Variants in STAG2 observed in about 807,000 individuals in gnomAD.
STAG2 encodes cohesin subunit SA-2.
A neutral mutation model predicts 108.1 loss-of-function variants in STAG2; 14 were observed. The observed-to-expected ratio is 0.13, with a 90% CI of 0.09 to 0.20. The LOEUF is 0.20. Among genes scored for constraint, STAG2 ranks in the 10% least tolerant of loss-of-function variants. The pLI, the probability that STAG2 is intolerant of heterozygous loss-of-function variation, is 1.00. For synonymous variants in STAG2, 307 were observed against 302.7 expected, an observed-to-expected ratio of 1.01 and a Z score of -0.15; for missense variants, 440 against 940.9, an observed-to-expected ratio of 0.47 and a Z score of 6.96.
At chrX:123,989,896 CT>C (rs982981586) in intron 1 of STAG2, among the ~76,000 whole-genome samples, 2 of 111,432 alleles carry the variant, frequency 1.8e-5, no homozygotes, top group Non-Finnish European at 3.8e-5. Flanking sequence ...GCCACCACCC[CT>C]GGCAATTATT....
At chrX:124,014,075 G>T (rs750418538) in intron 1 of STAG2, among the ~76,000 whole-genome samples, 2 of 111,369 alleles carry the variant, frequency 1.8e-5, no homozygotes, top group South Asian at 7.5e-4. Context: ...AAGTATTGGG[G>T]AAAGTGAGTA....
intron 34 of STAG2, chrX:124,097,749 A>G: frequency 3.1e-6 from 1 of 319,706 alleles, no homozygotes; most frequent in East Asian, 9.2e-5. Flanking sequence ...TCATTTAGTG[A>G]CTTTGCTCAG....
chrX:124,042,521 A>T (rs1569510950), intron 6 of STAG2, 48 bp from the exon 7 acceptor site: 5 of 964,858 alleles, frequency 5.2e-6, no homozygotes, highest in Non-Finnish European at 7.3e-6. Context: ...AGTTTTCTTT[A>T]TTTTTTTATC....
chrX:124,015,612 A>G (rs2056693479), intron 1 of STAG2, among the ~76,000 whole-genome samples: 1 of 110,245 alleles, frequency 9.1e-6, no homozygotes, highest in East Asian at 2.9e-4. Flanking sequence ...TGACCTCGTG[A>G]TCCGCCTGCC....
chrX:124,078,634 A>G (rs1397145421), intron 27 of STAG2, among the ~76,000 whole-genome samples: 1 of 111,258 alleles, frequency 9.0e-6, no homozygotes, highest in Admixed American at 9.6e-5. Context: ...GTATATTTCC[A>G]AACTTATTTT....
Position 124,094,069 on chromosome X carries a change from T to C in STAG2, c.3630T>C (p.Asp1210=), listed in dbSNP as rs1461685047. 8.3e-7 allele frequency: 1 copy of C among 1,205,260 alleles called. No individual in the cohort carries two copies. The highest frequency in any genetic ancestry group is 1.1e-6 in the Non-Finnish European group (1 of 891,132). Residue 1210 remains aspartate (D), a synonymous_variant, in exon 33 of 35, where the codon GAT becomes GAC. Transcript: ENST00000371145. ...MEDDEEPIVE[D]VMMSSEGRIE... is the part of the protein sequence containing the mutation. Reference sequence around the variant, plus strand: ...ATGATGAAGAGCCAATTGTGGAAGATGTTATGATGTCCTCAGAAGGGAGGA... The same window carrying C: ...ATGATGAAGAGCCAATTGTGGAAGACGTTATGATGTCCTCAGAAGGGAGGA...
intron 29 of STAG2, among the ~76,000 whole-genome samples, chrX:124,086,281 C>CT (rs34146753): frequency 0.014 from 1,554 of 111,312 alleles, 31 homozygotes; most frequent in African/African-American, 0.048. Flanking sequence ...CAGGCTGAAA[C>CT]TTTTTTGCAG....
At chrX:124,097,459 G>A (rs2059412666) in intron 34 of STAG2, among the ~76,000 whole-genome samples, 1 of 111,296 alleles carries the variant, frequency 9.0e-6, no homozygotes, top group African/African-American at 3.3e-5. Context: ...GAGGGGTAAA[G>A]GAATATTTTC....
intron 1 of STAG2, among the ~76,000 whole-genome samples, chrX:123,990,645 T>C (rs780939916): frequency 1.8e-5 from 2 of 111,918 alleles, no homozygotes; most frequent in East Asian, 5.6e-4. Flanking sequence ...AATACTAGAA[T>C]AGAGTCATTA....
chrX:123,978,948 A>C (rs188836205), intron 1 of STAG2, among the ~76,000 whole-genome samples: 2 of 111,746 alleles, frequency 1.8e-5, no homozygotes, highest in East Asian at 5.6e-4. Context: ...TTTTGCTGGC[A>C]TGGTAGGCCC....
intron 9 of STAG2, 65 bp downstream of exon 9, chrX:124,047,570 T>G (rs1372361221): frequency 2.1e-6 from 2 of 936,771 alleles, no homozygotes; most frequent in African/African-American, 4.0e-5. Flanking sequence ...AATTAGGATA[T>G]AACTTTGCTA....
At chrX:124,062,187 T>C (rs1209225863) in intron 17 of STAG2, among the ~76,000 whole-genome samples, 1 of 111,723 alleles carries the variant, frequency 9.0e-6, no homozygotes, top group Non-Finnish European at 1.9e-5. Context: ...TCTTCTAAAA[T>C]AAAATCAGAA....
chrX:124,028,902 C>T (rs1426922729), intron 4 of STAG2, among the ~76,000 whole-genome samples: 1 of 101,965 alleles, frequency 9.8e-6, no homozygotes, highest in Non-Finnish European at 2.0e-5. Flanking sequence ...ATCTTCCCAT[C>T]TCAACCTCCG....
At chrX:124,066,848 A>G (rs369719560) in intron 23 of STAG2, among the ~76,000 whole-genome samples, 1 of 111,946 alleles carries the variant, frequency 8.9e-6, no homozygotes, top group Non-Finnish European at 1.9e-5. Context: ...ATGATCAATC[A>G]TTTTCTGATT....
rs776648546 is a variant in STAG2, at chrX:124,100,640, T to C, written c.*43T>C. 9.2e-7 allele frequency: 1 copy of C among 1,090,730 alleles called. No homozygotes were observed. The highest frequency in any genetic ancestry group is 1.9e-5 in the South Asian group (1 of 52,344). 89.9% of individuals were successfully genotyped at this position (1,090,730 alleles called of 1,213,427 possible). On this transcript the variant is annotated 3_prime_UTR_variant, in exon 35 of 35. Transcript: ENST00000371145. ...ATCTGTGGTGAAGTCATTTTCTAAG[T>C]GGAAGAGGAAATTTTAAAGTGTGGT...
At chrX:123,968,808 A>G (rs1266914563) in intron 1 of STAG2, among the ~76,000 whole-genome samples, 1 of 112,385 alleles carries the variant, frequency 8.9e-6, no homozygotes, top group Non-Finnish European at 1.9e-5. Flanking sequence ...AATGCCAGTA[A>G]TGCTTTAATC....
chrX:124,097,902 C>T (rs745316840), intron 34 of STAG2, among the ~76,000 whole-genome samples: 3 of 110,199 alleles, frequency 2.7e-5, no homozygotes, highest in Non-Finnish European at 5.7e-5. Flanking sequence ...ATTAAGAAAT[C>T]GAAATGGTTA....
intron 1 of STAG2, among the ~76,000 whole-genome samples, chrX:123,983,231 CT>C (rs35406016): frequency 9.2e-4 from 93 of 101,382 alleles, no homozygotes; most frequent in East Asian, 3.9e-3. Flanking sequence ...ATTACTGGCA[CT>C]TTTTTTTTTT....
intron 25 of STAG2, among the ~76,000 whole-genome samples, chrX:124,072,259 C>T (rs2058681934): frequency 9.0e-6 from 1 of 111,500 alleles, no homozygotes; most frequent in Non-Finnish European, 1.9e-5. Context: ...CTTGCCTCGG[C>T]CTCCCAAACT....
Sources: allele counts gnomAD v4.1 joint callset (sites outside exome capture counted in the v4.1 genomes callset), GRCh38; gene constraint gnomAD v4.1.1; transcripts MANE v1.5; gene names NCBI Gene and HGNC (gene_info 2026-07-23, HGNC 2026-07-21).